TMEM150C: variants seen among roughly 807,000 people sequenced by gnomAD.
TMEM150C encodes tentonin 3.
Under a neutral mutation model 29.9 loss-of-function variants are expected in TMEM150C, and 10 were observed. That is an observed-to-expected ratio of 0.33 (90% CI 0.21 to 0.57). TMEM150C has a LOEUF of 0.57. Ranked by LOEUF, TMEM150C falls within the 20% of genes least tolerant of loss-of-function variation. The probability of loss-of-function intolerance (pLI) is 0.88; values close to 1 mark genes in which losing one functional copy is unlikely to be tolerated. For synonymous variants in TMEM150C, 101 were observed against 112.5 expected (o/e 0.90, Z 0.64); for missense variants, 251 against 303.6 (o/e 0.83, Z 1.29).
intron 5 of TMEM150C, among the ~76,000 whole-genome samples, chr4:82,500,887 G>C (rs1263140913): frequency 6.6e-6 from 1 of 152,220 alleles, no homozygotes. Flanking sequence ...TTTCAGGCTT[G>C]AGTATCACGC....
intron 1 of TMEM150C, among the ~76,000 whole-genome samples, chr4:82,530,855 C>T (rs950392318): frequency 6.6e-6 from 1 of 152,164 alleles, no homozygotes; most frequent in African/African-American, 2.4e-5. Flanking sequence ...GAAGGGGAAG[C>T]AAGCACGTCT....
chr4:82,545,392 C>T (rs1725342858), intron 1 of TMEM150C, among the ~76,000 whole-genome samples: 1 of 152,050 alleles, frequency 6.6e-6, no homozygotes, highest in South Asian at 2.1e-4. Flanking sequence ...AGGAACATAC[C>T]TCAAAATAAT....
rs80140460 is a variant in TMEM150C at position 82,516,030 on chromosome 4, A to G, written c.-10-11363T>C. Among the ~76,000 whole-genome samples, 1,017 of 152,216 alleles carry G rather than the reference A, an allele frequency of 6.7e-3. 7 individuals are homozygous for G. Among genetic ancestry groups the G allele is most frequent in the African/African-American group, 0.023 (970 of 41,534 alleles). ...CTCTCCTTGCTAGGCTCTGACATCA[A>G]CACCTCAGGCCTGGTTCAGTGAAGA... is the stretch of plus-strand genomic sequence containing the variant. On this transcript the variant is annotated intron_variant, in intron 1 of 7. Coordinates refer to ENST00000449862, the MANE Select transcript of TMEM150C (RefSeq NM_001080506.3).
Position 82,485,335 on chromosome 4 carries a change from G to A in TMEM150C, c.*176C>T, listed in dbSNP as rs541316538. ...CGTGTATTTCGACACATAAGGGCTT[G>A]TGCTTTTTCATTAAAGAAATAACTC... On this transcript the variant is annotated 3_prime_UTR_variant, in exon 8 of 8. Transcript: ENST00000449862. 1.4e-4 allele frequency: 85 copies of A among 605,724 alleles called. No individual in the cohort carries two copies. The highest frequency in any genetic ancestry group is 2.1e-4 in the Non-Finnish European group (73 of 341,042). The allele number at this position is 605,724 out of a possible 1,614,324, so 37.5% of individuals were successfully genotyped here. A position where few individuals can be genotyped will look rare whatever the true frequency, so the allele number is the denominator to read the frequency against.
intron 1 of TMEM150C, among the ~76,000 whole-genome samples, chr4:82,534,995 C>T (rs1404664908): frequency 3.9e-5 from 6 of 152,148 alleles, no homozygotes; most frequent in Admixed American, 3.9e-4. Context: ...AGACAGACTC[C>T]TACATTAAGT....
At chr4:82,496,402 T>C (rs983377972) in intron 5 of TMEM150C, 1 of 500,092 alleles carries the variant, frequency 2.0e-6, no homozygotes, top group Non-Finnish European at 3.5e-6. Context: ...AAAGAAACTT[T>C]CCATGCAATG....
intron 1 of TMEM150C, among the ~76,000 whole-genome samples, chr4:82,530,106 A>C (rs1280714214): frequency 2.1e-5 from 3 of 146,282 alleles, no homozygotes; most frequent in African/African-American, 8.0e-5. Context: ...CTCTCTCTCT[A>C]GAGAGAGAGA....
chr4:82,502,670 T>G (rs1310046246), intron 5 of TMEM150C, 57 bp downstream of exon 5: 1 of 1,522,456 alleles, frequency 6.6e-7, no homozygotes, highest in Non-Finnish European at 9.0e-7. Context: ...TTGGGAGAAT[T>G]TAAAATACAA....
In TMEM150C at chr4:82,538,112, G is replaced by A. The variant is rs189771221; in HGVS notation, c.-11+23794C>T. 3.5e-4 allele frequency among the ~76,000 whole-genome samples: 53 copies of A among 152,312 alleles called. 1 individual carries two copies. In the East Asian group the frequency reaches 9.3e-3, roughly 27 times the overall value. On this transcript the variant is annotated intron_variant, in intron 1 of 7. Transcript: ENST00000449862. ...CTCGCTCTGTCACCCAGGTTGGTGT[G>A]TGGTAGCGCGATCTTGGCTCACTGA...
intron 1 of TMEM150C, among the ~76,000 whole-genome samples, chr4:82,539,225 G>A (rs1008591456): frequency 2.6e-5 from 4 of 152,094 alleles, no homozygotes; most frequent in Non-Finnish European, 5.9e-5. Context: ...TGGGATGAAA[G>A]GGGAGCTTTC....
intron 1 of TMEM150C, among the ~76,000 whole-genome samples, chr4:82,540,843 A>G (rs1400748284): frequency 1.3e-5 from 2 of 152,196 alleles, no homozygotes; most frequent in Non-Finnish European, 2.9e-5. Flanking sequence ...GAGAACACTT[A>G]AAATCTACTC....
At chr4:82,506,153 G>A (rs1723912883) in intron 1 of TMEM150C, among the ~76,000 whole-genome samples, 2 of 151,958 alleles carry the variant, frequency 1.3e-5, no homozygotes, top group African/African-American at 4.8e-5. Context: ...TGCCCCATTT[G>A]TGAATACCTC....
chr4:82,503,538 A>G (rs868437229), intron 2 of TMEM150C, among the ~76,000 whole-genome samples: 3 of 152,332 alleles, frequency 2.0e-5, no homozygotes, highest in Middle Eastern at 3.4e-3. Flanking sequence ...AGGACTTCCA[A>G]TGTAATGATA....
chr4:82,534,102 A>G (rs1447791965), intron 1 of TMEM150C, among the ~76,000 whole-genome samples: 1 of 125,114 alleles, frequency 8.0e-6, no homozygotes. Context: ...GAATATAAAG[A>G]AAGAGTAGGC....
chr4:82,530,545 A>T (rs1560493669), intron 1 of TMEM150C, among the ~76,000 whole-genome samples: 1 of 152,160 alleles, frequency 6.6e-6, no homozygotes, highest in South Asian at 2.1e-4. Flanking sequence ...TGACAAAGCG[A>T]GACTCTGTCT....
upstream of TMEM150C, chr4:82,562,174 G>GC (rs1369068598): frequency 4.7e-6 from 6 of 1,282,422 alleles, no homozygotes; most frequent in Non-Finnish European, 6.1e-6. Flanking sequence ...CGGGGCAGGA[G>GC]CCGGGTGTGG....
intron 1 of TMEM150C, among the ~76,000 whole-genome samples, chr4:82,518,525 G>A (rs527648157): frequency 9.2e-5 from 14 of 152,268 alleles, no homozygotes; most frequent in African/African-American, 2.2e-4. Flanking sequence ...TTCTTCAGCC[G>A]CCTCTACTTC....
chr4:82,562,042 C>T, upstream of TMEM150C: 1 of 1,157,712 alleles, frequency 8.6e-7, no homozygotes, highest in Non-Finnish European at 1.1e-6. Context: ...GCCCGGCCCC[C>T]TCCTGCCGCG....
intron 1 of TMEM150C, among the ~76,000 whole-genome samples, chr4:82,520,112 G>A (rs761415198): frequency 1.3e-5 from 2 of 152,178 alleles, no homozygotes; most frequent in Non-Finnish European, 2.9e-5. Flanking sequence ...ACTGGTCTTA[G>A]GCATTTTTGT....
Sources: allele counts gnomAD v4.1 joint callset (sites outside exome capture counted in the v4.1 genomes callset), GRCh38; gene constraint gnomAD v4.1.1; transcripts MANE v1.5; gene names NCBI Gene and HGNC (gene_info 2026-07-23, HGNC 2026-07-21).